PADI3: variants seen among roughly 807,000 people sequenced by gnomAD.
The protein encoded by PADI3 is peptidyl arginine deiminase 3, also known as protein-arginine deiminase type-3.
A neutral mutation model predicts 71.5 loss-of-function variants in PADI3; 53 were observed. The ratio of observed to expected loss-of-function variants is 0.74; its 90% CI spans 0.59 to 0.93. PADI3 has a LOEUF of 0.93. Ranked by LOEUF, PADI3 falls within the 40% of genes least tolerant of loss-of-function variation. PADI3 has a pLI of 0.00. For missense variants in PADI3, 821 were observed against 868.0 expected, an observed-to-expected ratio of 0.95 and a Z score of 0.68; for synonymous variants, 361 against 347.5, an observed-to-expected ratio of 1.04 and a Z score of -0.43.
intron 3 of PADI3, 59 bp from the exon 4 acceptor site, chr1:17,265,600 A>G: frequency 1.4e-6 from 2 of 1,478,010 alleles, no homozygotes; most frequent in Non-Finnish European, 1.9e-6. Flanking sequence ...CCTGAGATCA[A>G]GGCCTGCCCT....
rs1316067781 is a variant in PADI3, at chr1:17,249,167, C to T, written c.30C>T (p.Ser10=). Reference sequence around the variant, plus strand: ...CGCTGCAGAGAATCGTGCGTGTGTCCCTGGAGCATCCCACCAGCGCGGTGT... The same window carrying T: ...CGCTGCAGAGAATCGTGCGTGTGTCTCTGGAGCATCCCACCAGCGCGGTGT... MSLQRIVRV[S]LEHPTSAVCV... The change falls in exon 1 of 16, where the codon TCC becomes TCT. Residue 10 remains serine (S), a synonymous_variant. Transcript: ENST00000375460. The T allele has an allele frequency of 6.2e-7, 1 of 1,614,038 alleles. No homozygotes were observed. Among genetic ancestry groups the T allele is most frequent in the African/African-American group, 1.3e-5 (1 of 74,914 alleles).
At chr1:17,260,223 C>G (rs2073086867) in intron 2 of PADI3, among the ~76,000 whole-genome samples, 1 of 152,142 alleles carries the variant, frequency 6.6e-6, no homozygotes, top group African/African-American at 2.4e-5. Flanking sequence ...GGGAAGACCC[C>G]CTTCCTAGGT....
chr1:17,276,139 A>G (rs2073327008), intron 11 of PADI3, among the ~76,000 whole-genome samples: 1 of 152,172 alleles, frequency 6.6e-6, no homozygotes, highest in African/African-American at 2.4e-5. Flanking sequence ...GTTCGAGACC[A>G]GCCTGGCCAA....
chr1:17,271,135 C>T lies in PADI3; in HGVS notation c.1004C>T (p.Thr335Ile). 1 of 1,613,768 alleles carries T rather than the reference C, an allele frequency of 6.2e-7. No homozygotes were observed. The highest frequency in any genetic ancestry group is 8.5e-7 in the Non-Finnish European group (1 of 1,180,012). Residue 335 changes from threonine to isoleucine, a missense_variant, in exon 9 of 16, where the codon ACC becomes ATC. Coordinates refer to ENST00000375460, the MANE Select transcript of PADI3 (RefSeq NM_016233.2). ...GCCAGGAAGGCCGGCTGCAAGCTGA[C>T]CATCTGCCCACAGGCCGAGAACCGC... ...ELARKAGCKL[T>I]ICPQAENRND...
chr1:17,252,362 G>A (rs2072976086), intron 1 of PADI3, among the ~76,000 whole-genome samples: 1 of 150,894 alleles, frequency 6.6e-6, no homozygotes, highest in South Asian at 2.1e-4. Flanking sequence ...TTAGCACAAA[G>A]TCTTGGTGCA....
chr1:17,271,854 A>AAAAAAAAAAGAG (rs1553135554), intron 9 of PADI3, among the ~76,000 whole-genome samples: 4 of 132,322 alleles, frequency 3.0e-5, no homozygotes, highest in African/African-American at 8.8e-5. Flanking sequence ...AAAAAAAAAA[A>AAAAAAAAAAGAG]AGAGAGAGAG....
rs777498129 is a variant in PADI3, at chr1:17,270,924, G to C, written c.877G>C (p.Val293Leu). The change falls in exon 8 of 16, where the codon GTG (valine) becomes CTG (leucine). Residue 293 changes from valine to leucine, a missense_variant. Val to Leu is a conservative substitution (Grantham distance 32, BLOSUM62 1). Transcript: ENST00000375460. ...CTTCACTGACACTGTGGTGTTCCGA[G>C]TGGCACCCTGGATCATGACGCCCAG... ...PIFTDTVVFR[V>L]APWIMTPSTL... 2 of 1,614,098 alleles carry C rather than the reference G, an allele frequency of 1.2e-6. No individual in the cohort carries two copies. The highest frequency in any genetic ancestry group is 1.7e-6 in the Non-Finnish European group (2 of 1,180,018).
At chr1:17,254,513 C>T (rs559964582) in intron 1 of PADI3, among the ~76,000 whole-genome samples, 1 of 152,268 alleles carries the variant, frequency 6.6e-6, no homozygotes, top group East Asian at 1.9e-4. Context: ...AGCTGTGTGA[C>T]TTTGGGCAAA....
At chr1:17,274,556 A>G in intron 10 of PADI3, 79 bp from the exon 11 acceptor site, 2 of 1,345,120 alleles carry the variant, frequency 1.5e-6, no homozygotes, top group Non-Finnish European at 2.1e-6. Context: ...CCTGTCTTGA[A>G]GGAGCTCAAA....
rs2100585147 is a variant in PADI3 at position 17,270,427 on chromosome 1, G to T, written c.831+16G>T. On this transcript the variant is annotated intron_variant, in intron 7 of 15. Transcript: ENST00000375460. Reference sequence around the variant, plus strand: ...CTCCAACGAGGTAGGGACAGAGGGGGTTCAAGAGGAGCTCCACTCGGGACC... The same window carrying T: ...CTCCAACGAGGTAGGGACAGAGGGGTTTCAAGAGGAGCTCCACTCGGGACC... The T allele has an allele frequency of 1.9e-6, 3 of 1,602,248 alleles. 1 individual carries two copies. The highest frequency in any genetic ancestry group is 4.5e-5 in the East Asian group (2 of 44,668).
chr1:17,267,369 T>C (rs2073184205), intron 5 of PADI3, among the ~76,000 whole-genome samples: 1 of 152,098 alleles, frequency 6.6e-6, no homozygotes, highest in Non-Finnish European at 1.5e-5. Flanking sequence ...TCCAGCCCCA[T>C]GGAGAATGAG....
Position 17,273,339 on chromosome 1 carries a change from G to C in PADI3, c.1048-1G>C, listed in dbSNP as rs752550904. ...CGTCTCTCGCCTCTCCTCACTTGCA[G>C]GATGAGATGGAGCTGGGCTACGTTC... On this transcript the variant is annotated splice_acceptor_variant, in intron 9 of 15. Coordinates refer to ENST00000375460, the MANE Select transcript of PADI3 (RefSeq NM_016233.2). LOFTEE classifies it high-confidence loss of function. 6.2e-7 allele frequency: 1 copy of C among 1,610,850 alleles called. No individual in the cohort carries two copies. The highest frequency in any genetic ancestry group is 8.5e-7 in the Non-Finnish European group (1 of 1,177,766).
At chr1:17,269,219 T>C (rs1417895496) in intron 6 of PADI3, among the ~76,000 whole-genome samples, 3 of 152,220 alleles carry the variant, frequency 2.0e-5, no homozygotes, top group South Asian at 2.1e-4. Flanking sequence ...AGTTGGGATG[T>C]GTGCTTCCCA....
intron 2 of PADI3, among the ~76,000 whole-genome samples, chr1:17,260,580 G>A (rs907138540): frequency 1.3e-4 from 20 of 152,134 alleles, no homozygotes; most frequent in African/African-American, 3.9e-4. Flanking sequence ...TAACTGTCCC[G>A]GGACCGCACA....
chr1:17,273,265 G>GGGGACTC, intron 9 of PADI3, 75 bp from the exon 10 acceptor site: 10 of 1,157,238 alleles, frequency 8.6e-6, no homozygotes, highest in Non-Finnish European at 1.3e-5. Context: ...CTGCCCCACA[G>GGGGACTC]GGCTCAGAGC....
chr1:17,273,378 G>A lies in PADI3; in HGVS notation c.1086G>A (p.Lys362=). 1.2e-6 allele frequency: 2 copies of A among 1,613,850 alleles called. No homozygotes were observed. Among genetic ancestry groups the A allele is most frequent in the Non-Finnish European group, 1.7e-6 (2 of 1,179,910 alleles). ...MELGYVQAPH[K]TLPVVFDSPR... ...TGGGCTACGTTCAGGCGCCGCACAA[G>A]ACCCTCCCGGTGGTCTTTGACTCCC... is the stretch of plus-strand genomic sequence containing the variant. Residue 362 remains lysine (K), a synonymous_variant, in exon 10 of 16, where the codon AAG becomes AAA. Transcript: ENST00000375460.
rs1192958126 is a variant in PADI3 at position 17,280,395 on chromosome 1, A to G, written c.1601A>G (p.Asn534Ser). Residue 534 changes from asparagine (N) to serine (S), a missense_variant, in exon 14 of 16, where the codon AAT becomes AGT. By Grantham distance (46) the Asn-to-Ser change is conservative. Transcript: ENST00000375460. ...KTISINQVLS[N>S]KDLINYNKFV... Reference sequence around the variant, plus strand: ...ATCTCCATCAACCAGGTGCTCTCCAATAAAGACCTCATCAACTACAATAAG... The same window carrying G: ...ATCTCCATCAACCAGGTGCTCTCCAGTAAAGACCTCATCAACTACAATAAG... 2 of 1,613,978 alleles carry G rather than the reference A, an allele frequency of 1.2e-6. No homozygotes were observed. The highest frequency in any genetic ancestry group is 1.7e-6 in the Non-Finnish European group (2 of 1,179,924).
chr1:17,259,304 C>T (rs1045887618), intron 1 of PADI3, among the ~76,000 whole-genome samples: 2 of 152,132 alleles, frequency 1.3e-5, no homozygotes, highest in African/African-American at 2.4e-5. Context: ...GTGATCCGCC[C>T]GCCTCGGCTT....
chr1:17,262,664 G>C (rs2073118301), intron 3 of PADI3, among the ~76,000 whole-genome samples: 1 of 152,188 alleles, frequency 6.6e-6, no homozygotes. Context: ...GGAAATGCTA[G>C]ACATAAAAAC....
Sources: gnomAD v4.1 joint callset for allele counts (sites outside exome capture counted in the v4.1 genomes callset) on GRCh38, gnomAD v4.1.1 for gene constraint, MANE v1.5 for transcripts, NCBI Gene and HGNC (gene_info 2026-07-23, HGNC 2026-07-21) for gene names.